Variants in MAGT1 observed in about 807,000 individuals in gnomAD.
MAGT1 encodes the protein dolichyl-diphosphooligosaccharide--protein glycosyltransferase subunit MAGT1.
A neutral mutation model predicts 28.4 loss-of-function variants in MAGT1; 4 were observed. The ratio of observed to expected loss-of-function variants is 0.14; its 90% CI spans 0.07 to 0.32. The LOEUF is 0.32. MAGT1 is among the 10% of genes least tolerant of loss of function. The pLI, the probability that MAGT1 is intolerant of heterozygous loss-of-function variation, is 1.00. For missense variants in MAGT1, 193 were observed against 264.5 expected, an observed-to-expected ratio of 0.73 and a Z score of 1.88; for synonymous variants, 89 against 89.7, an observed-to-expected ratio of 0.99 and a Z score of 0.04.
chrX:77,889,504 T>G (rs1557219287), intron 1 of MAGT1, among the ~76,000 whole-genome samples: 2 of 107,188 alleles, frequency 1.9e-5, no homozygotes. Flanking sequence ...CCTGAGTAGC[T>G]GGGACTACAG....
chrX:77,852,362 A>G (rs1702145002), intron 7 of MAGT1, among the ~76,000 whole-genome samples: 1 of 112,215 alleles, frequency 8.9e-6, no homozygotes, highest in South Asian at 3.6e-4. Context: ...ATATCCTTCA[A>G]TTAAAATCAG....
At chrX:77,892,464 A>C (rs782501160) in intron 1 of MAGT1, among the ~76,000 whole-genome samples, 1 of 111,268 alleles carries the variant, frequency 9.0e-6, no homozygotes, top group Admixed American at 9.7e-5. Context: ...AGAAAATCCA[A>C]TTTTATGTTG....
intron 1 of MAGT1, among the ~76,000 whole-genome samples, chrX:77,889,350 A>G (rs1483279381): frequency 2.9e-5 from 3 of 102,339 alleles, no homozygotes; most frequent in Non-Finnish European, 5.9e-5. Context: ...GTATGTGTAC[A>G]TATATATGTA....
At chrX:77,834,344 A>G (rs2149009963) in intron 8 of MAGT1, among the ~76,000 whole-genome samples, 1 of 104,237 alleles carries the variant, frequency 9.6e-6, no homozygotes, top group East Asian at 3.1e-4. Context: ...ACACACACAC[A>G]TAAATAAAAG....
At chrX:77,872,686 C>T (rs1331753210) in intron 2 of MAGT1, among the ~76,000 whole-genome samples, 4 of 111,716 alleles carry the variant, frequency 3.6e-5, no homozygotes, top group Non-Finnish European at 7.5e-5. Context: ...TTTCCTCCAT[C>T]AGGCCAATCC....
At chrX:77,858,012 C>T (rs2149018616) in intron 3 of MAGT1, among the ~76,000 whole-genome samples, 1 of 111,504 alleles carries the variant, frequency 9.0e-6, no homozygotes, top group African/African-American at 3.2e-5. Flanking sequence ...TTTCTCTATT[C>T]TCCATCATGA....
intron 1 of MAGT1, among the ~76,000 whole-genome samples, chrX:77,884,890 G>A (rs954336744): frequency 9.3e-6 from 1 of 107,856 alleles, no homozygotes; most frequent in Non-Finnish European, 1.9e-5. Flanking sequence ...CGAGACCATG[G>A]TGAAACCCCG....
chrX:77,886,161 T>C (rs1175850888), intron 1 of MAGT1, among the ~76,000 whole-genome samples: 1 of 111,563 alleles, frequency 9.0e-6, no homozygotes, highest in Admixed American at 9.6e-5. Context: ...ATGTACAATT[T>C]TACAATCTTA....
chrX:77,841,137 A>C (rs1603359823), intron 8 of MAGT1, 109 bp downstream of exon 8: 2 of 546,355 alleles, frequency 3.7e-6, no homozygotes, highest in East Asian at 6.8e-5. Flanking sequence ...AAAATAGTAA[A>C]GGGGTAAAAT....
chrX:77,878,740 A>AGATCGT (rs2077043056), intron 1 of MAGT1, among the ~76,000 whole-genome samples: 1 of 102,551 alleles, frequency 9.8e-6, no homozygotes, highest in Non-Finnish European at 2.0e-5. Flanking sequence ...CAGTGAGCCG[A>AGATCGT]GATCGTGCCA....
intron 1 of MAGT1, among the ~76,000 whole-genome samples, chrX:77,886,716 A>G (rs2077069058): frequency 8.9e-6 from 1 of 111,790 alleles, no homozygotes; most frequent in South Asian, 3.7e-4. Context: ...CATTTGATTC[A>G]GTAAGTCCAG....
chrX:77,887,165 G>C (rs1357383510), intron 1 of MAGT1, among the ~76,000 whole-genome samples: 1 of 111,294 alleles, frequency 9.0e-6, no homozygotes, highest in African/African-American at 3.3e-5. Context: ...ATGATTGTTA[G>C]CTCACTGCAG....
intron 1 of MAGT1, among the ~76,000 whole-genome samples, chrX:77,894,382 A>T (rs1489068188): frequency 1.8e-5 from 2 of 112,405 alleles, no homozygotes; most frequent in African/African-American, 6.5e-5. Flanking sequence ...TTCTTAATTC[A>T]GCTCAAGTAG....
rs1557219790 is a variant in MAGT1, at chrX:77,895,262, C to T, written c.102+47G>A. 2.5e-6 allele frequency: 3 copies of T among 1,182,482 alleles called. No individual in the cohort carries two copies. In the African/African-American group the frequency reaches 5.3e-5, roughly 21 times the overall value. On this transcript the variant is annotated intron_variant, in intron 1 of 9. Coordinates refer to ENST00000618282, the MANE Select transcript of MAGT1 (RefSeq NM_001367916.1). Reference sequence around the variant, plus strand: ...GAAGAGGCGAACAGACCCTCTTAAGCCCCAGTCATTGGGAAAAGCCCATGC... The same window carrying T: ...GAAGAGGCGAACAGACCCTCTTAAGTCCCAGTCATTGGGAAAAGCCCATGC...
At chrX:77,861,368 A>C (rs138748720) in intron 3 of MAGT1, among the ~76,000 whole-genome samples, 124 of 111,880 alleles carry the variant, frequency 1.1e-3, no homozygotes, top group African/African-American at 3.9e-3. Flanking sequence ...CAAAACAAAC[A>C]AACAAACAAA....
chrX:77,888,898 C>G (rs1173738911), intron 1 of MAGT1, among the ~76,000 whole-genome samples: 3 of 110,953 alleles, frequency 2.7e-5, no homozygotes, highest in Non-Finnish European at 5.7e-5. Context: ...TCCATGCCCT[C>G]AAGAATTTAT....
intron 3 of MAGT1, among the ~76,000 whole-genome samples, chrX:77,870,328 A>T (rs1258582931): frequency 9.0e-6 from 1 of 110,642 alleles, no homozygotes; most frequent in Non-Finnish European, 1.9e-5. Flanking sequence ...GGATGGGTGT[A>T]CCAAAATCCA....
intron 8 of MAGT1, among the ~76,000 whole-genome samples, chrX:77,834,363 C>A (rs2076910328): frequency 9.5e-6 from 1 of 105,134 alleles, no homozygotes; most frequent in South Asian, 4.3e-4. Flanking sequence ...AGACAAGAGT[C>A]TTGCTCTGTT....
At chrX:77,869,156 C>G (rs541592143) in intron 3 of MAGT1, among the ~76,000 whole-genome samples, 6 of 110,870 alleles carry the variant, frequency 5.4e-5, no homozygotes, top group African/African-American at 2.0e-4. Flanking sequence ...GTTGGGATTA[C>G]GGGCGCCCGC....
Sources: gnomAD v4.1 joint callset for allele counts (sites outside exome capture counted in the v4.1 genomes callset) on GRCh38, gnomAD v4.1.1 for gene constraint, MANE v1.5 for transcripts, NCBI Gene and HGNC (gene_info 2026-07-23, HGNC 2026-07-21) for gene names.